Variants in ZC3H8 observed in about 807,000 individuals in gnomAD.
ZC3H8 encodes zinc finger CCCH-type containing 8.
In ZC3H8, 27 loss-of-function variants were observed where a neutral mutation model predicts 42.5. That is an observed-to-expected ratio of 0.64 (90% confidence interval 0.47 to 0.88). The LOEUF (loss-of-function observed/expected upper bound fraction) is 0.88, where lower values mean the gene tolerates loss of function less well. Ranked by LOEUF, ZC3H8 falls within the 40% of genes least tolerant of loss-of-function variation. ZC3H8 has a pLI of 0.00. For missense variants in ZC3H8, 277 were observed against 336.1 expected (o/e 0.82, Z 1.37); for synonymous variants, 101 against 110.1 (o/e 0.92, Z 0.52).
intron 2 of ZC3H8, among the ~76,000 whole-genome samples, chr2:112,239,122 AAG>A (rs1175502070): frequency 1.3e-5 from 2 of 152,318 alleles, no homozygotes; most frequent in South Asian, 4.1e-4. Context: ...TACTTGCAGA[AAG>A]AGTTTCCTAA....
At chr2:112,252,158 T>G (rs548748698) in intron 1 of ZC3H8, among the ~76,000 whole-genome samples, 17 of 152,168 alleles carry the variant, frequency 1.1e-4, no homozygotes, top group Admixed American at 2.6e-4. Flanking sequence ...TCTTCTTAAA[T>G]CCAAACAGAG....
At chr2:112,236,516 A>G (rs772925321) in intron 4 of ZC3H8, 46 bp downstream of exon 4, 4 of 1,597,696 alleles carry the variant, frequency 2.5e-6, no homozygotes, top group Non-Finnish European at 3.4e-6. Flanking sequence ...ATCAAGTCCA[A>G]AAGCATGCAG....
At chr2:112,234,585 G>A (rs1685235010) in intron 4 of ZC3H8, among the ~76,000 whole-genome samples, 1 of 152,194 alleles carries the variant, frequency 6.6e-6, no homozygotes. Context: ...TGGACCACTT[G>A]AGGTCAGGAG....
Position 112,214,975 on chromosome 2 carries a change from T to C in ZC3H8, c.*1509A>G, listed in dbSNP as rs1684270775. 1 of 152,186 alleles carries C rather than the reference T, an allele frequency of 6.6e-6. No homozygotes were observed. Among genetic ancestry groups the C allele is most frequent in the African/African-American group, 2.4e-5 (1 of 41,448 alleles). 9.4% of individuals were successfully genotyped at this position (152,186 alleles called of 1,614,324 possible). The stretch of plus-strand genomic sequence containing the variant: ...ATTTGACTTCTGAGTCCCTCAAATC[T>C]CTGCGGTGTCTTTTAAGTTTACAAG... On this transcript the variant is annotated 3_prime_UTR_variant, in exon 9 of 9. Coordinates refer to ENST00000409573, the MANE Select transcript of ZC3H8 (RefSeq NM_032494.3).
At position 112,238,364 on chromosome 2, in the gene ZC3H8, A is replaced by G. The variant is rs200630381; in HGVS notation, c.321T>C (p.Ala107=). ...CTTTCTTTGTAGATTCTTCAGGTTG[A>G]GCAGCATTTGCCATTTCTCTGGCTT... ...YIQAREMANA[A]QPEESTKKEG... is the part of the protein sequence containing the mutation. The change falls in exon 3 of 9, where the codon GCT becomes GCC. Residue 107 remains alanine (A), a synonymous_variant. Transcript: ENST00000409573. 6.2e-5 allele frequency: 100 copies of G among 1,613,712 alleles called. No homozygotes were observed. The African/African-American group carries it at 1.2e-3, about 19-fold the overall frequency.
chr2:112,227,681 C>T (rs1471268757), intron 8 of ZC3H8, among the ~76,000 whole-genome samples: 2 of 152,056 alleles, frequency 1.3e-5, no homozygotes, highest in Non-Finnish European at 2.9e-5. Context: ...TACATACTAC[C>T]AATGAACAAC....
Position 112,214,966 on chromosome 2 carries a change from C to G in ZC3H8, c.*1518G>C, listed in dbSNP as rs963358130. On this transcript the variant is annotated 3_prime_UTR_variant, in exon 9 of 9. Transcript: ENST00000409573. ...ACCTACTCTATTTGACTTCTGAGTC[C>G]CTCAAATCTCTGCGGTGTCTTTTAA... is the stretch of plus-strand genomic sequence containing the variant. 2.0e-4 allele frequency: 31 copies of G among 151,810 alleles called. No homozygotes were observed. Among genetic ancestry groups the G allele is most frequent in the African/African-American group, 6.8e-4 (28 of 41,296 alleles). The allele number at this position is 151,810 out of a possible 1,614,324, so 9.4% of individuals were successfully genotyped here.
chr2:112,244,028 T>TA lies in ZC3H8; in HGVS notation c.157-5501dup, dbSNP rs1203938057. ...TATCTTGGGATATAAAGAAAAAAGA[T>TA]AAAAAATAAGAGATATGTCTCATAT... On this transcript the variant is annotated intron_variant, in intron 2 of 8. Coordinates refer to ENST00000409573, the MANE Select transcript of ZC3H8 (RefSeq NM_032494.3). Among the ~76,000 whole-genome samples the TA allele has an allele frequency of 4.0e-5, 6 of 151,194 alleles. 1 individual carries two copies. Among genetic ancestry groups the TA allele is most frequent in the Admixed American group, 6.6e-5 (1 of 15,192 alleles).
At chr2:112,245,899 T>A (rs56116941) in intron 2 of ZC3H8, among the ~76,000 whole-genome samples, 2,917 of 152,296 alleles carry the variant, frequency 0.019, 100 homozygotes, top group African/African-American at 0.066. Context: ...AAAATTGCAC[T>A]TGCACCCCGT....
intron 8 of ZC3H8, among the ~76,000 whole-genome samples, chr2:112,224,907 G>A (rs1014093156): frequency 6.6e-6 from 1 of 152,266 alleles, no homozygotes; most frequent in Non-Finnish European, 1.5e-5. Context: ...GTAGCCACAT[G>A]GTTATACACA....
At chr2:112,248,903 A>G (rs1685849010) in intron 2 of ZC3H8, among the ~76,000 whole-genome samples, 2 of 152,280 alleles carry the variant, frequency 1.3e-5, no homozygotes, top group South Asian at 4.1e-4. Context: ...CTTATAAAAA[A>G]GGAAAATTCA....
intron 8 of ZC3H8, among the ~76,000 whole-genome samples, chr2:112,219,171 C>T (rs1441587415): frequency 6.6e-6 from 1 of 152,108 alleles, no homozygotes; most frequent in Non-Finnish European, 1.5e-5. Context: ...TTGGGAGACT[C>T]ACACTTCCTG....
intron 6 of ZC3H8, 21 bp downstream of exon 6, chr2:112,233,239 A>G (rs200164333): frequency 4.3e-4 from 624 of 1,462,954 alleles, no homozygotes; most frequent in Non-Finnish European, 5.3e-4. Flanking sequence ...TAAAGTCACC[A>G]TATCTTGTGA....
At chr2:112,250,107 T>G in intron 2 of ZC3H8, 84 bp downstream of exon 2, 1 of 1,017,692 alleles carries the variant, frequency 9.8e-7, no homozygotes, top group South Asian at 1.7e-5. Context: ...TTTCCATCTG[T>G]TTTTTCTTTT....
At chr2:112,249,956 TATGTC>T (rs3048231) in intron 2 of ZC3H8, among the ~76,000 whole-genome samples, 15,120 of 152,076 alleles carry the variant, frequency 0.099, 1,014 homozygotes, top group East Asian at 0.33. Flanking sequence ...TTATTAAACA[TATGTC>T]ATGTTAAATG....
chr2:112,222,438 A>G (rs1684629226), intron 8 of ZC3H8, among the ~76,000 whole-genome samples: 1 of 152,164 alleles, frequency 6.6e-6, no homozygotes, highest in South Asian at 2.1e-4. Context: ...TCCAGGGCAA[A>G]AGGAGGCTGT....
chr2:112,236,128 G>A (rs774843667), intron 4 of ZC3H8, among the ~76,000 whole-genome samples: 2 of 152,000 alleles, frequency 1.3e-5, no homozygotes, highest in Non-Finnish European at 2.9e-5. Flanking sequence ...GCCGGGCATG[G>A]TGGCGGGCGC....
chr2:112,216,424 G>C lies in ZC3H8; in HGVS notation c.*60C>G, dbSNP rs2104637780. On this transcript the variant is annotated 3_prime_UTR_variant, in exon 9 of 9. Coordinates refer to ENST00000409573, the MANE Select transcript of ZC3H8 (RefSeq NM_032494.3). ...CAAATCACCAGTCTTGAACAGTCTTGAACACGCATGGGCGTTAAAGTACTC... is the reference window on the plus strand; with the variant it reads ...CAAATCACCAGTCTTGAACAGTCTTCAACACGCATGGGCGTTAAAGTACTC... 1 of 152,350 alleles carries C rather than the reference G, an allele frequency of 6.6e-6. No homozygotes were observed. The highest frequency in any genetic ancestry group is 6.5e-5 in the Admixed American group (1 of 15,310). 9.4% of individuals were successfully genotyped at this position (152,350 alleles called of 1,614,324 possible).
chr2:112,219,100 G>A (rs183063657), intron 8 of ZC3H8, among the ~76,000 whole-genome samples: 123 of 152,210 alleles, frequency 8.1e-4, no homozygotes, highest in Non-Finnish European at 1.6e-3. Flanking sequence ...AGAAAAATCT[G>A]TCTTAAAATT....
Sources: allele counts gnomAD v4.1 joint callset (sites outside exome capture counted in the v4.1 genomes callset), GRCh38; gene constraint gnomAD v4.1.1; transcripts MANE v1.5; gene names NCBI Gene and HGNC (gene_info 2026-07-23, HGNC 2026-07-21).